Variants in RFX4 observed in about 807,000 individuals in gnomAD.
RFX4 encodes the protein regulatory factor X4.
RFX4 carries 10 observed loss-of-function variants against 95.0 expected under a neutral mutation model. The observed-to-expected ratio is 0.11, with a 90% CI of 0.06 to 0.18. The LOEUF is 0.18. RFX4 is among the 10% of genes least tolerant of loss of function. The pLI is 1.00. For synonymous variants in RFX4, 321 were observed against 340.7 expected (o/e 0.94, Z 0.64); for missense variants, 640 against 922.0 (o/e 0.69, Z 3.96).
intron 3 of RFX4, among the ~76,000 whole-genome samples, chr12:106,652,326 T>A (rs1273623765): frequency 6.6e-6 from 1 of 152,220 alleles, no homozygotes; most frequent in Non-Finnish European, 1.5e-5. Flanking sequence ...GTTCACTGTA[T>A]GCAAGCATGG....
chr12:106,715,485 A>G lies in RFX4; in HGVS notation c.1079A>G (p.Lys360Arg). ...WRNVDLNSIT[K>R]QTLYTMEDSR... is the part of the protein sequence containing the mutation. ...AACGTGGACCTGAACAGCATCACCA[A>G]GCAAACCCTTTACACCATGGAAGAC... The change falls in exon 11 of 18, where the codon AAG (lysine) becomes AGG (arginine). Residue 360 changes from lysine to arginine, a missense_variant. Lys to Arg is a conservative substitution (Grantham distance 26). This residue lies in a region of RFX4 where 96 missense variants were observed against 183.7 expected (regional missense o/e 0.52). Transcript: ENST00000392842. 6.2e-7 allele frequency: 1 copy of G among 1,614,250 alleles called. No individual in the cohort carries two copies. The highest frequency in any genetic ancestry group is 1.3e-5 in the African/African-American group (1 of 75,064).
chr12:106,649,373 C>A (rs1358701411), intron 3 of RFX4, among the ~76,000 whole-genome samples: 7 of 152,178 alleles, frequency 4.6e-5, no homozygotes, highest in Non-Finnish European at 4.4e-5. Context: ...CCAATTACAT[C>A]CATTTGTTCA....
chr12:106,756,322 C>T (rs924237319), intron 17 of RFX4, among the ~76,000 whole-genome samples: 13 of 152,134 alleles, frequency 8.5e-5, no homozygotes, highest in Non-Finnish European at 1.8e-4. Flanking sequence ...GTTCATAGAA[C>T]CTCTACCCTG....
At chr12:106,590,145 G>A (rs540829481) in intron 1 of RFX4, among the ~76,000 whole-genome samples, 1 of 152,270 alleles carries the variant, frequency 6.6e-6, no homozygotes, top group Non-Finnish European at 1.5e-5. Flanking sequence ...TGATGGGGTT[G>A]TTGGCTTCAT....
intron 1 of RFX4, among the ~76,000 whole-genome samples, chr12:106,608,297 G>T (rs1334559653): frequency 2.0e-5 from 3 of 152,160 alleles, no homozygotes; most frequent in Admixed American, 1.3e-4. Context: ...CTGGCCAAAG[G>T]GAGGCAAGCT....
chr12:106,644,230 C>CTTTTT (rs756140160), intron 3 of RFX4, among the ~76,000 whole-genome samples: 7 of 128,432 alleles, frequency 5.5e-5, no homozygotes, highest in Admixed American at 8.2e-5. Flanking sequence ...GCCATTTCCC[C>CTTTTT]TTTTTTTTTT....
At chr12:106,616,827 C>T (rs1050685903) in intron 2 of RFX4, among the ~76,000 whole-genome samples, 12 of 152,142 alleles carry the variant, frequency 7.9e-5, no homozygotes, top group African/African-American at 2.9e-4. Context: ...GTGGTGTGAT[C>T]TCAGCTCACT....
At chr12:106,646,041 T>C in intron 3 of RFX4, 2 of 902,204 alleles carry the variant, frequency 2.2e-6, no homozygotes, top group Non-Finnish European at 3.1e-6. Flanking sequence ...TTTTGTGCTG[T>C]GGGTAAATGT....
intron 4 of RFX4, among the ~76,000 whole-genome samples, chr12:106,663,674 G>C (rs968415831): frequency 6.6e-6 from 1 of 151,596 alleles, no homozygotes; most frequent in African/African-American, 2.4e-5. Context: ...TTATCATTAA[G>C]TATAATGTTA....
intron 7 of RFX4, among the ~76,000 whole-genome samples, chr12:106,694,142 C>G (rs1320690328): frequency 6.6e-6 from 1 of 152,234 alleles, no homozygotes; most frequent in Non-Finnish European, 1.5e-5. Context: ...AAACAGGACT[C>G]TAACTGAAGT....
chr12:106,684,365 C>CA (rs905741431), intron 5 of RFX4, among the ~76,000 whole-genome samples: 7 of 151,386 alleles, frequency 4.6e-5, no homozygotes, highest in East Asian at 3.9e-4. Flanking sequence ...AGACCTGTCT[C>CA]AAAAAAAAGC....
At chr12:106,630,156 A>G (rs1247793622) in intron 2 of RFX4, among the ~76,000 whole-genome samples, 4 of 151,598 alleles carry the variant, frequency 2.6e-5, no homozygotes, top group Middle Eastern at 6.8e-3. Context: ...GCTCTTTTCT[A>G]TGGTGGGCAG....
intron 3 of RFX4, among the ~76,000 whole-genome samples, chr12:106,650,513 A>C (rs931765826): frequency 2.6e-5 from 4 of 152,178 alleles, no homozygotes; most frequent in African/African-American, 9.7e-5. Context: ...TGGGAGGATC[A>C]CTTGAGGTCA....
chr12:106,620,234 G>A (rs10861639), intron 2 of RFX4, among the ~76,000 whole-genome samples: 48,943 of 151,978 alleles, frequency 0.32, 8,501 homozygotes, highest in African/African-American at 0.46. Flanking sequence ...AAGGATGTTA[G>A]CTTTCTCCAA....
At chr12:106,601,787 G>T (rs531359495) in intron 1 of RFX4, among the ~76,000 whole-genome samples, 1 of 152,346 alleles carries the variant, frequency 6.6e-6, no homozygotes, top group East Asian at 1.9e-4. Flanking sequence ...ACCACTGGGA[G>T]TCACAGGTCG....
Position 106,761,405 on chromosome 12 carries a change from A to C in RFX4, c.2144A>C (p.His715Pro). Residue 715 changes from histidine (H) to proline (P), a missense_variant, in exon 18 of 18, where the codon CAC (histidine) becomes CCC (proline). By Grantham distance (77) the His-to-Pro change is moderately conservative. Transcript: ENST00000392842. ...LTTRRNSEYE[H>P]MQHFPGFAYI... ...ACGCGCAGGAATTCTGAATATGAGCACATGCAACACTTTCCTGGCTTTGCT... is the reference window on the plus strand; with the variant it reads ...ACGCGCAGGAATTCTGAATATGAGCCCATGCAACACTTTCCTGGCTTTGCT... 2 of 1,614,172 alleles carry C rather than the reference A, an allele frequency of 1.2e-6. No homozygotes were observed. The highest frequency in any genetic ancestry group is 1.7e-6 in the Non-Finnish European group (2 of 1,180,016).
At chr12:106,709,827 A>G (rs772357783) in intron 9 of RFX4, among the ~76,000 whole-genome samples, 8 of 152,144 alleles carry the variant, frequency 5.3e-5, no homozygotes, top group Non-Finnish European at 1.2e-4. Flanking sequence ...GAGTTCCCCC[A>G]AAGCCACGCA....
rs2137285639 is a variant in RFX4, at chr12:106,641,793, A to C, written c.191+2401A>C. ...CTTTATATTATATGTTTAAGATAGAATTTCAGTCATTAACTAATTCAATAA... is the reference window on the plus strand; with the variant it reads ...CTTTATATTATATGTTTAAGATAGACTTTCAGTCATTAACTAATTCAATAA... On this transcript the variant is annotated intron_variant, in intron 3 of 17. Coordinates refer to ENST00000392842, the MANE Select transcript of RFX4 (RefSeq NM_213594.3). Among the ~76,000 whole-genome samples, 3 of 152,278 alleles carry C rather than the reference A, an allele frequency of 2.0e-5. No homozygotes were observed. The South Asian group carries it at 6.2e-4, about 32-fold the overall frequency.
chr12:106,626,885 G>C (rs976887362), intron 2 of RFX4, among the ~76,000 whole-genome samples: 3 of 152,136 alleles, frequency 2.0e-5, no homozygotes, highest in African/African-American at 7.2e-5. Flanking sequence ...ACTCCATCCT[G>C]TATCCTAGGC....
Sources: gnomAD v4.1 joint callset for allele counts (sites outside exome capture counted in the v4.1 genomes callset) on GRCh38, gnomAD v4.1.1 for gene constraint, gnomAD v4.1.1 regional missense constraint, MANE v1.5 for transcripts, NCBI Gene and HGNC (gene_info 2026-07-23, HGNC 2026-07-21) for gene names.